The following TLK1 variants were observed in gnomAD, a reference collection of about 807,000 sequenced individuals.
The protein encoded by TLK1 is tousled like kinase 1.
Under a neutral mutation model 105.3 loss-of-function variants are expected in TLK1, and 24 were observed. That is an observed-to-expected ratio of 0.23 (90% CI 0.17 to 0.32). The LOEUF (loss-of-function observed/expected upper bound fraction) is 0.32. TLK1 is among the 10% of genes least tolerant of loss of function. The pLI is 1.00. For synonymous variants in TLK1, 321 were observed against 310.4 expected, an observed-to-expected ratio of 1.03 and a Z score of -0.36; for missense variants, 558 against 910.5, an observed-to-expected ratio of 0.61 and a Z score of 4.98.
At chr2:171,065,663 A>G (rs960388773) in intron 3 of TLK1, among the ~76,000 whole-genome samples, 5 of 151,700 alleles carry the variant, frequency 3.3e-5, no homozygotes, top group Non-Finnish European at 7.4e-5. Flanking sequence ...TCAGCCTCCC[A>G]AGTAGCTGGG....
chr2:171,225,811 T>C (rs1693887015), intron 1 of TLK1, among the ~76,000 whole-genome samples: 1 of 152,202 alleles, frequency 6.6e-6, no homozygotes, highest in African/African-American at 2.4e-5. Context: ...GAAACAATCT[T>C]TCCCTGACCT....
chr2:171,160,219 G>T lies in TLK1; in HGVS notation c.139+71C>A. The T allele has an allele frequency of 1.6e-6, 2 of 1,257,484 alleles. No individual in the cohort carries two copies. The highest frequency in any genetic ancestry group is 2.7e-5 in the South Asian group (1 of 37,408). 77.9% of individuals were successfully genotyped at this position (1,257,484 alleles called of 1,614,324 possible). A position where few individuals can be genotyped will look rare whatever the true frequency, so the allele number is the denominator to read the frequency against. On this transcript the variant is annotated intron_variant, in intron 1 of 20. Coordinates refer to ENST00000431350, the MANE Select transcript of TLK1 (RefSeq NM_012290.5). This position sits in a 1 kb window ranked among gnomAD's most constrained non-coding sequence, Gnocchi z 4.4. ...GAGAAGCCCCGGGGCGGGGGGGGCG[G>T]GGGGGGGGCGCGGGGGTCCGCGGCG...
chr2:171,040,051 T>C (rs1686584648), intron 11 of TLK1, among the ~76,000 whole-genome samples: 1 of 152,136 alleles, frequency 6.6e-6, no homozygotes, highest in South Asian at 2.1e-4. Context: ...TATATGTGTG[T>C]CTGTGTATAG....
At chr2:171,181,942 G>C (rs1204203677) in intron 1 of TLK1, among the ~76,000 whole-genome samples, 1 of 152,042 alleles carries the variant, frequency 6.6e-6, no homozygotes, top group Non-Finnish European at 1.5e-5. Context: ...CCATCTCTTC[G>C]ATCCTACTCT....
chr2:171,006,940 A>T (rs1422177533), intron 15 of TLK1, 32 bp downstream of exon 15: 1 of 1,603,972 alleles, frequency 6.2e-7, no homozygotes, highest in East Asian at 2.2e-5. Flanking sequence ...AAAATATTCA[A>T]TTTTAAAAAA....
chr2:171,052,577 A>G (rs1272805191), intron 8 of TLK1, among the ~76,000 whole-genome samples: 1 of 152,228 alleles, frequency 6.6e-6, no homozygotes, highest in Admixed American at 6.5e-5. Context: ...ACTCTCTGAT[A>G]TATTTCATTG....
At chr2:171,011,113 C>G (rs1684896304) in intron 14 of TLK1, among the ~76,000 whole-genome samples, 1 of 152,094 alleles carries the variant, frequency 6.6e-6, no homozygotes, top group Admixed American at 6.6e-5. Flanking sequence ...CTGCAATACT[C>G]CCACCTCAGC....
intron 1 of TLK1, among the ~76,000 whole-genome samples, chr2:171,223,983 T>C (rs1301999346): frequency 6.6e-6 from 1 of 152,206 alleles, no homozygotes; most frequent in East Asian, 1.9e-4. Context: ...TTTTTGCTTT[T>C]GTTGCCTGTG....
intron 18 of TLK1, among the ~76,000 whole-genome samples, chr2:171,002,907 T>C (rs899270804): frequency 2.0e-5 from 3 of 152,008 alleles, no homozygotes; most frequent in African/African-American, 7.2e-5. Context: ...CTCCCAAAAG[T>C]GCTGGGATTA....
rs186158439 is a variant in TLK1 at position 171,189,110 on chromosome 2, T to C, written c.-6+42035A>G. Among the ~76,000 whole-genome samples, 21 of 151,950 alleles carry C rather than the reference T, an allele frequency of 1.4e-4. 1 individual carries two copies. In the East Asian group the frequency reaches 2.1e-3, roughly 15 times the overall value. On this transcript the variant is annotated intron_variant, in intron 1 of 20. Coordinates refer to the TLK1 transcript ENST00000521943. Reference sequence around the variant, plus strand: ...AAGTGAAATATCCATGTAACCAGAATATAGAGAGGGAATTTAAATAACATT... The same window carrying C: ...AAGTGAAATATCCATGTAACCAGAACATAGAGAGGGAATTTAAATAACATT...
intron 1 of TLK1, among the ~76,000 whole-genome samples, chr2:171,141,147 T>G (rs148760175): frequency 6.6e-6 from 1 of 152,276 alleles, no homozygotes; most frequent in Non-Finnish European, 1.5e-5. Context: ...CATGTATAAC[T>G]GGAGTACCAG....
chr2:171,148,442 T>C (rs746705644), intron 1 of TLK1, among the ~76,000 whole-genome samples: 3 of 152,042 alleles, frequency 2.0e-5, no homozygotes, highest in Admixed American at 6.5e-5. Context: ...TCATTGTTGC[T>C]CTTGGTGGTG....
chr2:171,057,983 A>G (rs1687581929), intron 5 of TLK1, among the ~76,000 whole-genome samples, 168 bp downstream of exon 5: 1 of 152,108 alleles, frequency 6.6e-6, no homozygotes, highest in African/African-American at 2.4e-5. Context: ...ATGGCATCCC[A>G]ATGTAAATGT....
Position 170,993,705 on chromosome 2 carries a change from A to T in TLK1, c.*75T>A. On this transcript the variant is annotated 3_prime_UTR_variant, in exon 21 of 21. Transcript: ENST00000431350. ...AAAAAAAAAAAGAAAAAGAAAACAAACACTCAAATGCTCTCAAACTTAAGT... is the reference window on the plus strand; with the variant it reads ...AAAAAAAAAAAGAAAAAGAAAACAATCACTCAAATGCTCTCAAACTTAAGT... 8.1e-7 allele frequency: 1 copy of T among 1,230,872 alleles called. No homozygotes were observed. Among genetic ancestry groups the T allele is most frequent in the African/African-American group, 1.5e-5 (1 of 64,952 alleles). The allele number at this position is 1,230,872 out of a possible 1,614,324, so 76.2% of individuals were successfully genotyped here.
At position 171,193,529 on chromosome 2, in the gene TLK1, T is replaced by G. The variant is rs866971946; in HGVS notation, c.-6+37616A>C. 2.6e-5 allele frequency among the ~76,000 whole-genome samples: 4 copies of G among 151,500 alleles called. No individual in the cohort carries two copies. The South Asian group carries it at 6.2e-4, about 24-fold the overall frequency. The stretch of plus-strand genomic sequence containing the variant: ...CTCCTGCCTCAGCCTCCCAAGTAGC[T>G]GGGACTACAAGCGCCCGCCACCACG... On this transcript the variant is annotated intron_variant, in intron 1 of 20. Transcript: ENST00000521943.
Position 171,160,692 on chromosome 2 carries a change from A to G in TLK1, c.-264T>C, listed in dbSNP as rs577689894. ...GGCGCGCCAGAGGAGAGGAGGAGGA[A>G]AGGAGCGCGGCGGCGGAGGCGTCGA... On this transcript the variant is annotated 5_prime_UTR_variant, in exon 1 of 21. Coordinates refer to ENST00000431350, the MANE Select transcript of TLK1 (RefSeq NM_012290.5). The surrounding 1 kb of genome is among the most constrained non-coding windows in gnomAD (Gnocchi z 4.4). 342 of 492,552 alleles carry G rather than the reference A, an allele frequency of 6.9e-4. No homozygotes were observed. The highest frequency in any genetic ancestry group is 6.3e-3 in the African/African-American group (307 of 48,504). The allele number at this position is 492,552 out of a possible 1,614,324, so 30.5% of individuals were successfully genotyped here.
intron 1 of TLK1, among the ~76,000 whole-genome samples, chr2:171,218,391 T>C (rs533637923): frequency 4.2e-4 from 64 of 152,314 alleles, no homozygotes; most frequent in Middle Eastern, 6.8e-3. Context: ...TGTCGTTTAA[T>C]GGGTATAAAG....
intron 1 of TLK1, among the ~76,000 whole-genome samples, chr2:171,218,213 A>G (rs1693748109): frequency 6.6e-6 from 1 of 152,206 alleles, no homozygotes; most frequent in Non-Finnish European, 1.5e-5. Flanking sequence ...AGATTGCATC[A>G]CTGCACTCCA....
At chr2:171,059,801 T>C in intron 4 of TLK1, 2 of 688,622 alleles carry the variant, frequency 2.9e-6, no homozygotes, top group Non-Finnish European at 5.3e-6. Flanking sequence ...AGGGAGTGCA[T>C]AACCTGGATC....
Sources: allele counts gnomAD v4.1 joint callset (sites outside exome capture counted in the v4.1 genomes callset), GRCh38; gene constraint gnomAD v4.1.1; non-coding constraint Gnocchi (gnomAD v3.1); transcripts MANE v1.5; gene names NCBI Gene and HGNC (gene_info 2026-07-23, HGNC 2026-07-21).